The following NYAP2 variants were observed in gnomAD, a reference collection of about 807,000 sequenced individuals.
NYAP2 encodes the protein neuronal tyrosine-phosphorylated phosphoinositide-3-kinase adapter 2.
NYAP2 carries 23 observed loss-of-function variants against 50.4 expected under a neutral mutation model. The ratio of observed to expected loss-of-function variants is 0.46; its 90% CI spans 0.33 to 0.65. NYAP2 has a LOEUF of 0.65. NYAP2 is among the 30% of genes least tolerant of loss of function. The pLI is 0.02. For synonymous variants in NYAP2, 394 were observed against 365.2 expected, an observed-to-expected ratio of 1.08 and a Z score of -0.90; for missense variants, 885 against 861.0, an observed-to-expected ratio of 1.03 and a Z score of -0.35.
chr2:225,610,050 G>A (rs998714157), intron 5 of NYAP2, among the ~76,000 whole-genome samples: 4 of 152,116 alleles, frequency 2.6e-5, no homozygotes, highest in Non-Finnish European at 5.9e-5. Context: ...ATAGTTCTTA[G>A]AAGACATTCA....
At chr2:225,673,682 T>C in the NYAP2 span, among the ~76,000 whole-genome samples, 1 of 152,162 alleles carries the variant, frequency 6.6e-6, no homozygotes, top group South Asian at 2.1e-4. Flanking sequence ...GCTGCAGTCA[T>C]ATAACCCTTT....
intron 3 of NYAP2, among the ~76,000 whole-genome samples, chr2:225,431,918 G>A (rs1338844883): frequency 6.6e-6 from 1 of 152,040 alleles, no homozygotes; most frequent in African/African-American, 2.4e-5. Context: ...ATTTTATACT[G>A]CAAGAGTGTG....
intron 5 of NYAP2, among the ~76,000 whole-genome samples, chr2:225,591,715 T>C (rs978127961): frequency 2.0e-5 from 3 of 152,168 alleles, no homozygotes; most frequent in African/African-American, 7.2e-5. Flanking sequence ...CCCGATTATT[T>C]GGCTCTAGAG....
intron 6 of NYAP2, among the ~76,000 whole-genome samples, chr2:225,638,261 G>A (rs1247053629): frequency 6.6e-6 from 1 of 151,360 alleles, no homozygotes; most frequent in African/African-American, 2.4e-5. Flanking sequence ...CCATCCAATA[G>A]AAGAGGGGTG....
At chr2:225,612,745 C>T (rs1692914352) in intron 5 of NYAP2, among the ~76,000 whole-genome samples, 1 of 54,574 alleles carries the variant, frequency 1.8e-5, no homozygotes, top group African/African-American at 4.7e-5. Flanking sequence ...ATGGAGGCCC[C>T]CCCCTTACAA....
intron 4 of NYAP2, among the ~76,000 whole-genome samples, chr2:225,537,822 C>G (rs1036078726): frequency 6.6e-6 from 1 of 152,188 alleles, no homozygotes; most frequent in Non-Finnish European, 1.5e-5. Context: ...GTCCCTTCTG[C>G]CTTTGAGCCT....
Position 225,608,245 on chromosome 2 carries a change from G to A in NYAP2, c.1619-18672G>A, listed in dbSNP as rs570085795. Among the ~76,000 whole-genome samples the A allele has an allele frequency of 5.1e-4, 77 of 152,232 alleles. 1 individual carries two copies. The highest frequency in any genetic ancestry group is 2.7e-3 in the South Asian group (13 of 4,830). ...TTTTAAAACTAGGTCTGTACAATAC[G>A]TTGAAAAGGGTATTTTAGAAGTTGA... is the stretch of plus-strand genomic sequence containing the variant. On this transcript the variant is annotated intron_variant, in intron 5 of 6. Transcript: ENST00000636099.
chr2:225,671,932 A>G, the NYAP2 span, among the ~76,000 whole-genome samples: 1 of 152,150 alleles, frequency 6.6e-6, no homozygotes, highest in South Asian at 2.1e-4. Context: ...GTAGGTCTCA[A>G]CATGGGCTTT....
chr2:225,543,337 A>T (rs1691508956), intron 4 of NYAP2, among the ~76,000 whole-genome samples: 1 of 151,752 alleles, frequency 6.6e-6, no homozygotes, highest in Non-Finnish European at 1.5e-5. Flanking sequence ...TCTTTAAGAC[A>T]CATCTTTAGG....
Position 225,631,426 on chromosome 2 carries a change from C to T in NYAP2, c.1828+4300C>T, listed in dbSNP as rs561453551. Among the ~76,000 whole-genome samples the T allele has an allele frequency of 7.2e-5, 11 of 152,122 alleles. No individual in the cohort carries two copies. The South Asian group carries it at 1.9e-3, about 26-fold the overall frequency. On this transcript the variant is annotated intron_variant, in intron 6 of 6. Coordinates refer to ENST00000636099, the Ensembl canonical transcript of NYAP2. ...CATATTTTTAGTATGTATTCTTTAT[C>T]TTAGATTATGAAGGAGGTAGGCAAA...
At chr2:225,564,733 T>C (rs933471643) in intron 4 of NYAP2, among the ~76,000 whole-genome samples, 76 of 151,958 alleles carry the variant, frequency 5.0e-4, no homozygotes, top group Admixed American at 2.0e-4. Flanking sequence ...TAATGAGCCA[T>C]CTCAGTTTTT....
chr2:225,484,398 C>A (rs1361252284), intron 3 of NYAP2, among the ~76,000 whole-genome samples: 1 of 152,182 alleles, frequency 6.6e-6, no homozygotes, highest in Non-Finnish European at 1.5e-5. Flanking sequence ...AAGTAATAGG[C>A]ATTACTATTA....
the NYAP2 span, among the ~76,000 whole-genome samples, chr2:225,679,544 C>T: frequency 6.4e-5 from 8 of 125,756 alleles, no homozygotes; most frequent in Admixed American, 5.1e-4. Context: ...TCCCAGGCTG[C>T]AGTATAGTGG....
At chr2:225,571,033 A>T (rs1388905213) in intron 4 of NYAP2, among the ~76,000 whole-genome samples, 1 of 152,260 alleles carries the variant, frequency 6.6e-6, no homozygotes. Context: ...TAGGGTAGTC[A>T]TTAAATCTTA....
At chr2:225,436,485 A>G (rs755212948) in intron 3 of NYAP2, among the ~76,000 whole-genome samples, 7 of 151,956 alleles carry the variant, frequency 4.6e-5, no homozygotes, top group Non-Finnish European at 7.4e-5. Flanking sequence ...TCTCTGTCCA[A>G]ATTTCCCTTT....
chr2:225,461,515 G>A (rs1347992983), intron 3 of NYAP2, among the ~76,000 whole-genome samples: 1 of 152,148 alleles, frequency 6.6e-6, no homozygotes, highest in Non-Finnish European at 1.5e-5. Context: ...AAGATAAACT[G>A]GTCTCTTTCT....
intron 6 of NYAP2, among the ~76,000 whole-genome samples, chr2:225,631,874 A>G (rs564079089): frequency 6.6e-6 from 1 of 152,234 alleles, no homozygotes; most frequent in South Asian, 2.1e-4. Flanking sequence ...CTGGAGTACA[A>G]TGGCATGATC....
intron 3 of NYAP2, among the ~76,000 whole-genome samples, chr2:225,510,369 C>T (rs1431080): frequency 0.23 from 35,052 of 152,024 alleles, 4,130 homozygotes; most frequent in African/African-American, 0.28. Flanking sequence ...TTAGCTACAT[C>T]AGAAACATCT....
At chr2:225,563,650 A>G (rs993538644) in intron 4 of NYAP2, among the ~76,000 whole-genome samples, 2 of 152,100 alleles carry the variant, frequency 1.3e-5, no homozygotes, top group African/African-American at 4.8e-5. Context: ...AAAGCAGAAC[A>G]TTTCTTGATA....
Sources: gnomAD v4.1 joint callset for allele counts (sites outside exome capture counted in the v4.1 genomes callset) on GRCh38, gnomAD v4.1.1 for gene constraint, MANE v1.5 for transcripts, NCBI Gene and HGNC (gene_info 2026-07-23, HGNC 2026-07-21) for gene names.